ZMYM5: variants seen among roughly 807,000 people sequenced by gnomAD.
ZMYM5 encodes zinc finger MYM-type protein 5.
In ZMYM5, 41 loss-of-function variants were observed where a neutral mutation model predicts 61.8. That is an observed-to-expected ratio of 0.66 (90% confidence interval 0.52 to 0.86). The LOEUF (loss-of-function observed/expected upper bound fraction) is 0.86. ZMYM5 is among the 40% of genes least tolerant of loss of function. The pLI is 0.00. For missense variants in ZMYM5, 706 were observed against 786.7 expected, an observed-to-expected ratio of 0.90 and a Z score of 1.23; for synonymous variants, 257 against 276.4, an observed-to-expected ratio of 0.93 and a Z score of 0.70.
chr13:19,844,719 T>C (rs1162558731), intron 4 of ZMYM5, among the ~76,000 whole-genome samples: 2 of 152,124 alleles, frequency 1.3e-5, no homozygotes, highest in African/African-American at 2.4e-5. Context: ...CCTCCAGGGT[T>C]CAAGCAACCC....
In ZMYM5 at chr13:19,824,993, A is replaced by G; in HGVS notation, c.1494T>C (p.Asp498=). The change falls in exon 8 of 8, where the codon GAT becomes GAC. Residue 498 remains aspartate (D), a synonymous_variant. Coordinates refer to ENST00000337963, the MANE Select transcript of ZMYM5 (RefSeq NM_001142684.2). The stretch of plus-strand genomic sequence containing the variant: ...TCTCTTCCAGTTGCTCTTGAAATGT[A>G]TCAGCTATGGTTGACGTGGAAGAAG... ...LPPSSTSTIA[D]TFQEQLEEKN... 1 of 1,367,446 alleles carries G rather than the reference A, an allele frequency of 7.3e-7. No homozygotes were observed. Among genetic ancestry groups the G allele is most frequent in the Non-Finnish European group, 9.8e-7 (1 of 1,021,752 alleles). 84.7% of individuals were successfully genotyped at this position (1,367,446 alleles called of 1,614,324 possible).
At position 19,825,155 on chromosome 13, in the gene ZMYM5, T is replaced by C. The variant is rs916493096; in HGVS notation, c.1332A>G (p.Gln444=). 1.6e-5 allele frequency: 21 copies of C among 1,323,136 alleles called. No homozygotes were observed. Among genetic ancestry groups the C allele is most frequent in the Non-Finnish European group, 2.0e-5 (20 of 1,000,910 alleles). 82.0% of individuals were successfully genotyped at this position (1,323,136 alleles called of 1,614,324 possible). The change falls in exon 8 of 8, where the codon CAA becomes CAG. Residue 444 remains glutamine, a synonymous_variant. Coordinates refer to ENST00000337963, the MANE Select transcript of ZMYM5 (RefSeq NM_001142684.2). Reference sequence around the variant, plus strand: ...AAAGTGTATTTGACGATCCATATAATTGTTTCTCATTTTCTTCTCTAAAAG... The same window carrying C: ...AAAGTGTATTTGACGATCCATATAACTGTTTCTCATTTTCTTCTCTAAAAG... The part of the protein sequence containing the change: ...RNAFREENEK[Q]LYGSSNTLLK...
At chr13:19,861,654 A>G (rs572887754) in intron 2 of ZMYM5, among the ~76,000 whole-genome samples, 2 of 152,346 alleles carry the variant, frequency 1.3e-5, no homozygotes, top group Non-Finnish European at 2.9e-5. Context: ...CAGGGTTGAA[A>G]GGACAAAATT....
At chr13:19,837,452 G>C in intron 6 of ZMYM5, 2 of 1,563,170 alleles carry the variant, frequency 1.3e-6, no homozygotes, top group Non-Finnish European at 1.7e-6. Flanking sequence ...AGAAACAGAT[G>C]TGTACTTTCC....
chr13:19,850,378 T>C (rs1397089231), intron 4 of ZMYM5, among the ~76,000 whole-genome samples: 1 of 152,130 alleles, frequency 6.6e-6, no homozygotes, highest in Non-Finnish European at 1.5e-5. Flanking sequence ...GGTGGGCAGA[T>C]CACCTGAGGT....
chr13:19,840,073 A>C (rs1952814458), intron 4 of ZMYM5, among the ~76,000 whole-genome samples: 1 of 152,188 alleles, frequency 6.6e-6, no homozygotes, highest in African/African-American at 2.4e-5. Context: ...TTTCTAACCA[A>C]CTCTCAGATG....
intron 4 of ZMYM5, chr13:19,842,154 C>A (rs1458788106): frequency 6.6e-6 from 1 of 152,218 alleles, no homozygotes; most frequent in Non-Finnish European, 1.5e-5. Flanking sequence ...TTTACGTGTA[C>A]TTTATGAAGA....
At chr13:19,840,332 A>C (rs888064941) in intron 4 of ZMYM5, among the ~76,000 whole-genome samples, 1 of 152,136 alleles carries the variant, frequency 6.6e-6, no homozygotes, top group Admixed American at 6.6e-5. Flanking sequence ...CTAGGTAACA[A>C]GGCAAAACCC....
rs140031072 is a variant in ZMYM5, at chr13:19,853,663, G to A, written c.-10-1473C>T. On this transcript the variant is annotated intron_variant, in intron 2 of 7. Coordinates refer to ENST00000337963, the MANE Select transcript of ZMYM5 (RefSeq NM_001142684.2). Reference sequence around the variant, plus strand: ...CACTCTGTCACTCAGGTACAGTGGCGCCATTTCAGCTCACTGCAACCCCCA... The same window carrying A: ...CACTCTGTCACTCAGGTACAGTGGCACCATTTCAGCTCACTGCAACCCCCA... Among the ~76,000 whole-genome samples, 22 of 149,888 alleles carry A rather than the reference G, an allele frequency of 1.5e-4. No individual in the cohort carries two copies. In the East Asian group the frequency reaches 3.9e-3, roughly 27 times the overall value.
At chr13:19,830,016 C>T (rs1315080818) in intron 7 of ZMYM5, among the ~76,000 whole-genome samples, 2 of 152,116 alleles carry the variant, frequency 1.3e-5, no homozygotes, top group Non-Finnish European at 2.9e-5. Flanking sequence ...CTGTGCACTG[C>T]AGATGTTTAG....
At chr13:19,841,876 G>C (rs1952890332) in intron 4 of ZMYM5, 1 of 152,056 alleles carries the variant, frequency 6.6e-6, no homozygotes, top group African/African-American at 2.4e-5. Context: ...GAGTGCAGGG[G>C]CGTGATCTCA....
chr13:19,851,127 A>G (rs78801385), intron 4 of ZMYM5, among the ~76,000 whole-genome samples: 2 of 152,104 alleles, frequency 1.3e-5, no homozygotes, highest in Non-Finnish European at 2.9e-5. Context: ...GAAAAAAAAA[A>G]TCGCTTGAAC....
chr13:19,831,272 A>ATGTG (rs1208461897), intron 7 of ZMYM5, among the ~76,000 whole-genome samples: 1 of 147,240 alleles, frequency 6.8e-6, no homozygotes, highest in Non-Finnish European at 1.5e-5. Flanking sequence ...GACTACAGCC[A>ATGTG]TGTGTCACCA....
chr13:19,824,561 C>T lies in ZMYM5; in HGVS notation c.1926G>A (p.Leu642=). 2 of 1,316,092 alleles carry T rather than the reference C, an allele frequency of 1.5e-6. No homozygotes were observed. Among genetic ancestry groups the T allele is most frequent in the Non-Finnish European group, 2.0e-6 (2 of 999,646 alleles). 81.5% of individuals were successfully genotyped at this position (1,316,092 alleles called of 1,614,324 possible). A position where few individuals can be genotyped will look rare whatever the true frequency, so the allele number is the denominator to read the frequency against. The part of the protein sequence containing the change: ...SVKYSKLKSD[L]KKNKAIDAAE... The stretch of plus-strand genomic sequence containing the variant: ...CAGCATCAATAGCTTTATTTTTTTT[C>T]AGATCAGATTTTAATTTTGAGTACT... The change falls in exon 8 of 8, where the codon CTG becomes CTA. Residue 642 remains leucine, a synonymous_variant. Coordinates refer to ENST00000337963, the MANE Select transcript of ZMYM5 (RefSeq NM_001142684.2).
At chr13:19,828,343 G>A (rs1049457034) in intron 7 of ZMYM5, among the ~76,000 whole-genome samples, 6 of 151,982 alleles carry the variant, frequency 3.9e-5, no homozygotes, top group South Asian at 2.1e-4. Context: ...GAGTGGTGGC[G>A]CGCACCTGTA....
chr13:19,832,655 C>T (rs1952564337), intron 7 of ZMYM5, among the ~76,000 whole-genome samples: 1 of 152,010 alleles, frequency 6.6e-6, no homozygotes, highest in Non-Finnish European at 1.5e-5. Context: ...ATAAAAAAGG[C>T]TTGGAAAATA....
At chr13:19,835,726 T>C in intron 6 of ZMYM5, 37 bp from the exon 7 acceptor site, 1 of 1,337,704 alleles carries the variant, frequency 7.5e-7, no homozygotes, top group East Asian at 4.6e-5. Flanking sequence ...CTAAGATATA[T>C]GAACCAGATT....
intron 6 of ZMYM5, 121 bp from the exon 7 acceptor site, chr13:19,835,810 T>C (rs1443889225): frequency 3.7e-5 from 25 of 682,040 alleles, no homozygotes; most frequent in Non-Finnish European, 5.1e-5. Flanking sequence ...CAGAGGAAGA[T>C]ATACCCAGGG....
At chr13:19,853,009 C>G (rs1953370680) in intron 2 of ZMYM5, among the ~76,000 whole-genome samples, 1 of 152,134 alleles carries the variant, frequency 6.6e-6, no homozygotes, top group Non-Finnish European at 1.5e-5. Context: ...CATCACAGCC[C>G]AGCTAATGTT....
Sources: allele counts gnomAD v4.1 joint callset (sites outside exome capture counted in the v4.1 genomes callset), GRCh38; gene constraint gnomAD v4.1.1; transcripts MANE v1.5; gene names NCBI Gene and HGNC (gene_info 2026-07-23, HGNC 2026-07-21).